FNDC3A: variants seen among roughly 807,000 people sequenced by gnomAD.
FNDC3A encodes the protein fibronectin type III domain containing 3A, also known as fibronectin type-III domain-containing protein 3A.
FNDC3A carries 32 observed loss-of-function variants against 148.9 expected under a neutral mutation model. The observed-to-expected ratio is 0.21, with a 90% CI of 0.16 to 0.29. FNDC3A has a LOEUF of 0.29. FNDC3A is among the 10% of genes least tolerant of loss of function. FNDC3A has a pLI of 1.00. For synonymous variants in FNDC3A, 472 were observed against 473.6 expected (o/e 1.00, Z 0.04); for missense variants, 1,191 against 1,452.8 (o/e 0.82, Z 2.93).
intron 2 of FNDC3A, among the ~76,000 whole-genome samples, chr13:49,064,579 A>C (rs997375093): frequency 3.9e-5 from 6 of 152,138 alleles, no homozygotes; most frequent in African/African-American, 1.4e-4. Flanking sequence ...GGAAGGTTTC[A>C]TGGATCAGTG....
At chr13:49,094,282 T>C (rs1286691459) in intron 3 of FNDC3A, among the ~76,000 whole-genome samples, 2 of 152,030 alleles carry the variant, frequency 1.3e-5, no homozygotes, top group Admixed American at 1.3e-4. Context: ...AAGCACAGAG[T>C]GTCCTTGTAA....
At chr13:49,019,163 G>A (rs1320061557) in intron 2 of FNDC3A, among the ~76,000 whole-genome samples, 14 of 152,240 alleles carry the variant, frequency 9.2e-5, no homozygotes, top group African/African-American at 2.9e-4. Flanking sequence ...TTGTTTACCT[G>A]AGCAAGCCTG....
At chr13:49,162,246 A>G (rs946187937) in intron 8 of FNDC3A, among the ~76,000 whole-genome samples, 6 of 152,222 alleles carry the variant, frequency 3.9e-5, no homozygotes, top group South Asian at 4.1e-4. Context: ...AGGTACACCA[A>G]TGAGACGTAG....
rs1593522886 is a variant in FNDC3A, at chr13:49,053,700, C to T, written c.100-21589C>T. 2.0e-5 allele frequency among the ~76,000 whole-genome samples: 3 copies of T among 152,182 alleles called. No homozygotes were observed. In the South Asian group the frequency reaches 6.2e-4, roughly 32 times the overall value. ...TAGGTTAAGGCGTTGTGGAGACCAG[C>T]GTTCTTATTATGTAGATGACGTCTC... is the stretch of plus-strand genomic sequence containing the variant. On this transcript the variant is annotated intron_variant, in intron 2 of 25. Coordinates refer to ENST00000492622, the MANE Select transcript of FNDC3A (RefSeq NM_001079673.2).
chr13:49,071,820 A>G (rs1877717513), intron 2 of FNDC3A, among the ~76,000 whole-genome samples: 1 of 150,544 alleles, frequency 6.6e-6, no homozygotes, highest in Non-Finnish European at 1.5e-5. Context: ...ATTTTCTCCT[A>G]TTCTATGGGT....
intron 2 of FNDC3A, among the ~76,000 whole-genome samples, chr13:49,015,006 G>C (rs1029891586): frequency 2.6e-5 from 4 of 151,942 alleles, no homozygotes; most frequent in Non-Finnish European, 5.9e-5. Context: ...CTGTGGCCTT[G>C]TAGTATAGTT....
At chr13:49,114,495 T>G (rs1217196346) in intron 3 of FNDC3A, among the ~76,000 whole-genome samples, 160 bp from the exon 4 acceptor site, 36 of 141,118 alleles carry the variant, frequency 2.6e-4, no homozygotes, top group African/African-American at 9.3e-4. Flanking sequence ...ACAAGATAAA[T>G]TTTTATAACA....
chr13:49,147,632 A>G (rs1305160713), intron 8 of FNDC3A, among the ~76,000 whole-genome samples: 1 of 151,982 alleles, frequency 6.6e-6, no homozygotes, highest in Non-Finnish European at 1.5e-5. Context: ...CCATTCATCC[A>G]TTGATGGACA....
chr13:49,080,146 T>TA, intron 3 of FNDC3A, among the ~76,000 whole-genome samples: 1 of 152,356 alleles, frequency 6.6e-6, no homozygotes, highest in Non-Finnish European at 1.5e-5. Context: ...TGAAAAGAAT[T>TA]AAAAATATCT....
At chr13:49,071,420 AGTTCT>A (rs1264831359) in intron 2 of FNDC3A, among the ~76,000 whole-genome samples, 1 of 152,048 alleles carries the variant, frequency 6.6e-6, no homozygotes, top group Admixed American at 6.6e-5. Flanking sequence ...GTCATATGGT[AGTTCT>A]ATTGTTTGTG....
At chr13:48,995,673 T>C (rs1480828144) in intron 1 of FNDC3A, among the ~76,000 whole-genome samples, 1 of 152,190 alleles carries the variant, frequency 6.6e-6, no homozygotes, top group African/African-American at 2.4e-5. Context: ...AAATAATGCA[T>C]GTAATTATAT....
chr13:49,135,550 A>T (rs958689872), intron 5 of FNDC3A, among the ~76,000 whole-genome samples: 3 of 152,116 alleles, frequency 2.0e-5, no homozygotes, highest in African/African-American at 7.2e-5. Flanking sequence ...GTTCATTCTA[A>T]TGTTATTGTA....
intron 1 of FNDC3A, among the ~76,000 whole-genome samples, chr13:48,991,156 A>G (rs902604150): frequency 1.1e-4 from 16 of 152,254 alleles, no homozygotes; most frequent in African/African-American, 3.9e-4. Context: ...ATTGTTGGAT[A>G]CAATTTTTTA....
At chr13:49,128,882 TC>T (rs1881863170) in intron 4 of FNDC3A, among the ~76,000 whole-genome samples, 1 of 152,240 alleles carries the variant, frequency 6.6e-6, no homozygotes, top group African/African-American at 2.4e-5. Context: ...TTCCTCCACT[TC>T]CTTCAAGTTT....
intron 2 of FNDC3A, among the ~76,000 whole-genome samples, chr13:49,074,071 A>T (rs930327810): frequency 1.3e-5 from 2 of 152,076 alleles, no homozygotes; most frequent in Non-Finnish European, 2.9e-5. Flanking sequence ...AAGTAGTATT[A>T]TAAAACCCTT....
At chr13:49,053,579 G>A (rs994921266) in intron 2 of FNDC3A, among the ~76,000 whole-genome samples, 1 of 152,156 alleles carries the variant, frequency 6.6e-6, no homozygotes, top group Non-Finnish European at 1.5e-5. Flanking sequence ...CTCAAGGGGT[G>A]TTGGGGGGTG....
At chr13:49,114,061 G>T (rs1880760272) in intron 3 of FNDC3A, among the ~76,000 whole-genome samples, 2 of 152,072 alleles carry the variant, frequency 1.3e-5, no homozygotes, top group Admixed American at 6.6e-5. Context: ...AAGTACACGT[G>T]TGGCATTTCT....
At chr13:49,074,977 G>A (rs1180932867) in intron 2 of FNDC3A, among the ~76,000 whole-genome samples, 1 of 152,128 alleles carries the variant, frequency 6.6e-6, no homozygotes, top group South Asian at 2.1e-4. Context: ...CAACTGATAA[G>A]CTCACTTAGA....
chr13:49,050,019 C>T (rs138027583), intron 2 of FNDC3A, among the ~76,000 whole-genome samples: 1 of 152,238 alleles, frequency 6.6e-6, no homozygotes, highest in Non-Finnish European at 1.5e-5. Context: ...GGCGAACAGC[C>T]TTCTCTCTTC....
Sources: gnomAD v4.1 joint callset for allele counts (sites outside exome capture counted in the v4.1 genomes callset) on GRCh38, gnomAD v4.1.1 for gene constraint, MANE v1.5 for transcripts, NCBI Gene and HGNC (gene_info 2026-07-23, HGNC 2026-07-21) for gene names.